The following DLGAP1 variants were observed in gnomAD, a reference collection of about 807,000 sequenced individuals.
The protein encoded by DLGAP1 is disks large-associated protein 1.
DLGAP1 carries 11 observed loss-of-function variants against 90.8 expected under a neutral mutation model. That is an observed-to-expected ratio of 0.12 (90% CI 0.08 to 0.20). The LOEUF (loss-of-function observed/expected upper bound fraction) is 0.20, where lower values mean the gene tolerates loss of function less well. Ranked by LOEUF, DLGAP1 falls within the 10% of genes least tolerant of loss-of-function variation. DLGAP1 has a pLI of 1.00. For missense variants in DLGAP1, 1,050 were observed against 1,333.8 expected (o/e 0.79, Z 3.31); for synonymous variants, 558 against 540.7 (o/e 1.03, Z -0.44).
intron 1 of DLGAP1, among the ~76,000 whole-genome samples, chr18:4,202,812 A>C (rs1418091163): frequency 2.0e-5 from 3 of 152,188 alleles, no homozygotes; most frequent in Non-Finnish European, 4.4e-5. Flanking sequence ...AGATTTTACC[A>C]CTTCTGACTA....
chr18:3,972,630 T>G (rs9961989), intron 3 of DLGAP1, among the ~76,000 whole-genome samples: 7 of 151,904 alleles, frequency 4.6e-5, no homozygotes, highest in Non-Finnish European at 4.4e-5. Flanking sequence ...TGGCATCCGA[T>G]AGTCCTAACT....
At chr18:4,165,970 C>A (rs1436600030) in intron 1 of DLGAP1, among the ~76,000 whole-genome samples, 1 of 152,002 alleles carries the variant, frequency 6.6e-6, no homozygotes, top group East Asian at 1.9e-4. Flanking sequence ...CAGCCCTGAA[C>A]AATGTAGTGA....
intron 3 of DLGAP1, among the ~76,000 whole-genome samples, chr18:3,956,441 C>G (rs537201994): frequency 6.6e-6 from 1 of 151,932 alleles, no homozygotes; most frequent in African/African-American, 2.4e-5. Flanking sequence ...CTCCGCCTCC[C>G]GGGTTCACGC....
At chr18:4,277,269 G>A (rs2079438017) in intron 1 of DLGAP1, among the ~76,000 whole-genome samples, 1 of 152,130 alleles carries the variant, frequency 6.6e-6, no homozygotes, top group South Asian at 2.1e-4. Context: ...ATGAATACAT[G>A]GAATTGCATA....
chr18:4,260,502 C>T (rs1374506413), intron 1 of DLGAP1, among the ~76,000 whole-genome samples: 1 of 152,148 alleles, frequency 6.6e-6, no homozygotes, highest in Non-Finnish European at 1.5e-5. Context: ...GTTAAGGTGA[C>T]TTATGAGGCC....
chr18:4,129,981 G>A (rs2076289928), intron 2 of DLGAP1, among the ~76,000 whole-genome samples: 1 of 152,108 alleles, frequency 6.6e-6, no homozygotes, highest in Non-Finnish European at 1.5e-5. Flanking sequence ...CTGAACAGAA[G>A]CATTATATTT....
intron 1 of DLGAP1, among the ~76,000 whole-genome samples, chr18:4,345,106 A>G (rs2081278967): frequency 6.6e-6 from 1 of 152,158 alleles, no homozygotes; most frequent in South Asian, 2.1e-4. Context: ...TCCACCCAAG[A>G]TAAGTCCGTG....
intron 7 of DLGAP1, among the ~76,000 whole-genome samples, chr18:3,614,686 C>CAAAAAAAAAAAA (rs35764644): frequency 2.9e-5 from 3 of 105,004 alleles, no homozygotes; most frequent in Admixed American, 1.1e-4. Context: ...ACTAAAAATA[C>CAAAAAAAAAAAA]AAAAAAAAAA....
intron 10 of DLGAP1, among the ~76,000 whole-genome samples, chr18:3,513,377 T>C (rs901435320): frequency 4.6e-5 from 7 of 152,222 alleles, no homozygotes; most frequent in African/African-American, 1.7e-4. Flanking sequence ...TGGGGTCCTA[T>C]AGCCCTGAAC....
intron 2 of DLGAP1, among the ~76,000 whole-genome samples, chr18:4,090,809 G>A (rs556482557): frequency 1.2e-4 from 18 of 152,200 alleles, no homozygotes; most frequent in Middle Eastern, 3.4e-3. Context: ...TCATGGCAGC[G>A]CTATTCACAA....
In DLGAP1 at chr18:3,526,694, A is replaced by G. The variant is rs1460920985; in HGVS notation, c.2479+7500T>C. Among the ~76,000 whole-genome samples the G allele has an allele frequency of 6.6e-6, 1 of 152,224 alleles. No homozygotes were observed. The highest frequency in any genetic ancestry group is 2.4e-5 in the African/African-American group (1 of 41,454). On this transcript the variant is annotated intron_variant, in intron 10 of 12. Transcript: ENST00000315677. The surrounding 1 kb of genome is among the most constrained non-coding windows in gnomAD (Gnocchi z 4.7). Reference sequence around the variant, plus strand: ...CTTAGGGCCATTGAAACCTGAGCCTATGTTCTTTCCCCACAGTGGTAGACT... The same window carrying G: ...CTTAGGGCCATTGAAACCTGAGCCTGTGTTCTTTCCCCACAGTGGTAGACT...
intron 4 of DLGAP1, among the ~76,000 whole-genome samples, chr18:3,854,175 G>A (rs922734927): frequency 6.6e-6 from 1 of 152,154 alleles, no homozygotes; most frequent in Non-Finnish European, 1.5e-5. Context: ...ATGTAGACTG[G>A]ATAGGAGATT....
chr18:3,641,107 A>G (rs1184560776), intron 7 of DLGAP1, among the ~76,000 whole-genome samples: 3 of 152,196 alleles, frequency 2.0e-5, no homozygotes, highest in African/African-American at 7.2e-5. Context: ...CCATACAAGT[A>G]AGACAATGTA....
chr18:3,527,419 T>G (rs1344654595), intron 10 of DLGAP1, among the ~76,000 whole-genome samples: 16 of 147,720 alleles, frequency 1.1e-4, no homozygotes, highest in Non-Finnish European at 1.9e-4. Context: ...ACTTTTTTTT[T>G]TTTTTTTTTT....
chr18:3,742,205 T>C, intron 6 of DLGAP1, 130 bp downstream of exon 6: 1 of 1,169,436 alleles, frequency 8.6e-7, no homozygotes, highest in South Asian at 1.5e-5. Context: ...AGCACTTGAC[T>C]GGACCTCCTG....
chr18:4,280,216 CAATT>C (rs1274565789), intron 1 of DLGAP1, among the ~76,000 whole-genome samples: 1 of 152,030 alleles, frequency 6.6e-6, no homozygotes, highest in Non-Finnish European at 1.5e-5. Flanking sequence ...TTTAAAGGGC[CAATT>C]AATCATGATA....
chr18:3,699,813 G>C (rs342497), intron 7 of DLGAP1, among the ~76,000 whole-genome samples: 28,734 of 152,158 alleles, frequency 0.19, 2,970 homozygotes, highest in South Asian at 0.27. Flanking sequence ...GGGCTGCTGC[G>C]TTTCTTTCAG....
chr18:4,145,866 G>A (rs199558964), intron 2 of DLGAP1, among the ~76,000 whole-genome samples: 24 of 152,122 alleles, frequency 1.6e-4, no homozygotes, highest in East Asian at 1.2e-3. Context: ...AAAACAAAAC[G>A]TAATTTGCAA....
At chr18:3,947,616 T>C (rs1013085948) in intron 3 of DLGAP1, among the ~76,000 whole-genome samples, 6 of 152,238 alleles carry the variant, frequency 3.9e-5, no homozygotes, top group African/African-American at 7.2e-5. Flanking sequence ...GAAAATACTT[T>C]ACATGCTTTA....
Sources: allele counts gnomAD v4.1 joint callset (sites outside exome capture counted in the v4.1 genomes callset), GRCh38; gene constraint gnomAD v4.1.1; non-coding constraint Gnocchi (gnomAD v3.1); transcripts MANE v1.5; gene names NCBI Gene and HGNC (gene_info 2026-07-23, HGNC 2026-07-21).